The following CNOT10 variants were observed in gnomAD, a reference collection of about 807,000 sequenced individuals.
CNOT10 encodes the protein CCR4-NOT transcription complex subunit 10.
A neutral mutation model predicts 94.6 loss-of-function variants in CNOT10; 30 were observed. The observed-to-expected ratio is 0.32, with a 90% confidence interval of 0.24 to 0.43. The LOEUF (loss-of-function observed/expected upper bound fraction) is 0.43, where lower values mean the gene tolerates loss of function less well. CNOT10 is among the 20% of genes least tolerant of loss of function. The pLI is 1.00. For synonymous variants in CNOT10, 289 were observed against 301.6 expected (o/e 0.96, Z 0.43); for missense variants, 759 against 877.2 (o/e 0.87, Z 1.70).
At chr3:32,744,320 C>T (rs978357637) in intron 13 of CNOT10, among the ~76,000 whole-genome samples, 11 of 152,294 alleles carry the variant, frequency 7.2e-5, no homozygotes, top group Admixed American at 2.6e-4. Context: ...TCATATTTGA[C>T]CCCTTGTGTT....
At chr3:32,758,026 T>C (rs1391095250) in intron 13 of CNOT10, among the ~76,000 whole-genome samples, 3 of 152,234 alleles carry the variant, frequency 2.0e-5, no homozygotes, top group Admixed American at 1.3e-4. Context: ...AAAATTATAA[T>C]GTACAAGAAT....
intron 2 of CNOT10, 69 bp downstream of exon 2, chr3:32,704,031 A>G: frequency 1.1e-6 from 1 of 917,232 alleles, no homozygotes; most frequent in Non-Finnish European, 1.7e-6. Flanking sequence ...TTTCATAGTG[A>G]ATTTTTAAAT....
chr3:32,685,434 G>T lies in CNOT10; in HGVS notation c.-27G>T. The T allele has an allele frequency of 6.5e-7, 1 of 1,550,200 alleles. No homozygotes were observed. Among genetic ancestry groups the T allele is most frequent in the South Asian group, 1.2e-5 (1 of 84,024 alleles). The stretch of plus-strand genomic sequence containing the variant: ...GGGAGTCAGGGCCACGCCACCTGCA[G>T]GGAAGAACCCGAGTCGAAGCGGGAA... On this transcript the variant is annotated 5_prime_UTR_variant, in exon 1 of 19. It adds an upstream start codon to the 5' untranslated region. Transcript: ENST00000328834.
At chr3:32,692,349 G>A (rs1231005493) in intron 1 of CNOT10, among the ~76,000 whole-genome samples, 1 of 152,116 alleles carries the variant, frequency 6.6e-6, no homozygotes, top group East Asian at 1.9e-4. Context: ...TCCCAGCTTG[G>A]TCTCTCAAAG....
chr3:32,726,363 A>C (rs768143950), intron 9 of CNOT10, among the ~76,000 whole-genome samples: 11 of 152,148 alleles, frequency 7.2e-5, no homozygotes, highest in Non-Finnish European at 1.2e-4. Context: ...TTGATCTGAA[A>C]TGCCTAAAAT....
chr3:32,764,385 G>A, intron 15 of CNOT10, 70 bp from the exon 16 acceptor site: 1 of 1,497,230 alleles, frequency 6.7e-7, no homozygotes, highest in East Asian at 2.3e-5. Context: ...TACCTTCTGA[G>A]CCCGAGGAGA....
intron 1 of CNOT10, among the ~76,000 whole-genome samples, chr3:32,689,353 CAAAA>C (rs199702747): frequency 1.3e-5 from 1 of 76,256 alleles, no homozygotes; most frequent in Non-Finnish European, 2.8e-5. Flanking sequence ...AACACCATCT[CAAAA>C]AAAAAAAAAA....
intron 8 of CNOT10, among the ~76,000 whole-genome samples, chr3:32,724,103 G>T (rs1698542199): frequency 6.6e-6 from 1 of 151,866 alleles, no homozygotes; most frequent in African/African-American, 2.4e-5. Context: ...AATTAATACG[G>T]GTGAAAGACA....
chr3:32,747,979 C>T (rs764247435), intron 13 of CNOT10, among the ~76,000 whole-genome samples: 2 of 152,062 alleles, frequency 1.3e-5, no homozygotes, highest in Non-Finnish European at 2.9e-5. Flanking sequence ...AAAAAGACTG[C>T]AGGCATGTAC....
rs185164486 is a variant in CNOT10, at chr3:32,695,516, T to G, written c.23-8352T>G. 2.2e-4 allele frequency: 319 copies of G among 1,447,922 alleles called. No individual in the cohort carries two copies. In the African/African-American group the frequency reaches 3.5e-3, roughly 16 times the overall value. The allele number at this position is 1,447,922 out of a possible 1,614,324, so 89.7% of individuals were successfully genotyped here. A position where few individuals can be genotyped will look rare whatever the true frequency, so the allele number is the denominator to read the frequency against. ...AATCAGATTTGAATGATTAACATTC[T>G]GTATTGGAATGTGTCTGTGCTTTCA... On this transcript the variant is annotated intron_variant, in intron 1 of 18. Coordinates refer to ENST00000328834, the MANE Select transcript of CNOT10 (RefSeq NM_015442.3).
At chr3:32,708,962 G>A in intron 4 of CNOT10, 142 bp downstream of exon 4, 1 of 607,876 alleles carries the variant, frequency 1.6e-6, no homozygotes, top group South Asian at 3.5e-5. Context: ...TTAATGGTTA[G>A]AAAAGATAAA....
intron 1 of CNOT10, among the ~76,000 whole-genome samples, chr3:32,686,825 AT>A (rs1291698530): frequency 6.6e-6 from 1 of 152,214 alleles, no homozygotes; most frequent in African/African-American, 2.4e-5. Context: ...CCTAAAGCCC[AT>A]CCAGTTTTCA....
chr3:32,704,937 A>G lies in CNOT10; in HGVS notation c.244A>G (p.Asn82Asp). Residue 82 changes from asparagine to aspartate, a missense_variant, in exon 3 of 19, where the codon AAT becomes GAT. Physicochemically the swap from Asn to Asp is conservative, Grantham distance 23. Around this residue, in one of 3 missense-constraint regions of CNOT10, gnomAD observed 682 missense variants for 799.4 expected, o/e 0.85. Transcript: ENST00000328834. ...TAAAAGTAACCAAACAACAACAGAT[A>G]ATTTGAGACAAACACTTAACCAGCT... ...FFKSNQTTTD[N>D]LRQTLNQLKN... The G allele has an allele frequency of 1.9e-6, 3 of 1,549,298 alleles. No homozygotes were observed. The highest frequency in any genetic ancestry group is 2.8e-5 in the African/African-American group (2 of 70,278).
At chr3:32,706,648 A>G (rs1043606687) in intron 3 of CNOT10, among the ~76,000 whole-genome samples, 4 of 152,198 alleles carry the variant, frequency 2.6e-5, no homozygotes, top group African/African-American at 9.6e-5. Context: ...TGGCAAAGTT[A>G]TTTGTGTGAT....
chr3:32,711,881 T>G (rs7431578), intron 4 of CNOT10, among the ~76,000 whole-genome samples: 9,297 of 152,242 alleles, frequency 0.061, 329 homozygotes, highest in African/African-American at 0.09. Flanking sequence ...GCAGTGAGAT[T>G]CCCTTGGAGA....
At chr3:32,734,628 A>C (rs889540086) in intron 11 of CNOT10, among the ~76,000 whole-genome samples, 172 bp from the exon 12 acceptor site, 1 of 152,168 alleles carries the variant, frequency 6.6e-6, no homozygotes, top group Admixed American at 6.5e-5. Flanking sequence ...TTTACAACCT[A>C]TACTTAGGAT....
intron 13 of CNOT10, among the ~76,000 whole-genome samples, chr3:32,752,503 T>C (rs1266967310): frequency 1.3e-5 from 2 of 152,238 alleles, no homozygotes; most frequent in Non-Finnish European, 2.9e-5. Flanking sequence ...GACTGGGTTC[T>C]TTGGGATGCC....
chr3:32,706,768 G>A (rs1559482831), intron 3 of CNOT10, among the ~76,000 whole-genome samples: 1 of 152,194 alleles, frequency 6.6e-6, no homozygotes, highest in Non-Finnish European at 1.5e-5. Flanking sequence ...AGAAAGAGTT[G>A]CCTTTGGAAA....
chr3:32,704,704 T>C, intron 2 of CNOT10, 107 bp from the exon 3 acceptor site: 2 of 1,273,582 alleles, frequency 1.6e-6, no homozygotes, highest in South Asian at 3.0e-5. Flanking sequence ...CATCTTTCTT[T>C]TTAAGAACTT....
Sources: gnomAD v4.1 joint callset for allele counts (sites outside exome capture counted in the v4.1 genomes callset) on GRCh38, gnomAD v4.1.1 for gene constraint, gnomAD v4.1.1 regional missense constraint, MANE v1.5 for transcripts, NCBI Gene and HGNC (gene_info 2026-07-23, HGNC 2026-07-21) for gene names.